The following AGAP3 variants were observed in gnomAD, a reference collection of about 807,000 sequenced individuals.
AGAP3 encodes ArfGAP with GTPase domain, ankyrin repeat and PH domain 3.
A neutral mutation model predicts 96.9 loss-of-function variants in AGAP3; 24 were observed. That is an observed-to-expected ratio of 0.25 (90% CI 0.18 to 0.35). The LOEUF is 0.35. Ranked by LOEUF, AGAP3 falls within the 10% of genes least tolerant of loss-of-function variation. The pLI is 1.00. For missense variants in AGAP3, 876 were observed against 1,254.2 expected, an observed-to-expected ratio of 0.70 and a Z score of 4.55; for synonymous variants, 563 against 536.1, an observed-to-expected ratio of 1.05 and a Z score of -0.69.
At chr7:151,136,052 G>T (rs1254877163) in intron 11 of AGAP3, among the ~76,000 whole-genome samples, 1 of 152,240 alleles carries the variant, frequency 6.6e-6, no homozygotes, top group Non-Finnish European at 1.5e-5. Flanking sequence ...CCGTGGGGTT[G>T]TACTGGCCTG....
At chr7:151,099,188 A>C (rs1312993993) in intron 1 of AGAP3, among the ~76,000 whole-genome samples, 2 of 151,336 alleles carry the variant, frequency 1.3e-5, no homozygotes, top group Non-Finnish European at 2.9e-5. Flanking sequence ...CTAAAAATAC[A>C]AAAAATTAGC....
At position 151,119,904 on chromosome 7, in the gene AGAP3, T is replaced by A. The variant is rs775450342; in HGVS notation, c.970-83T>A. 513 of 1,420,638 alleles carry A rather than the reference T, an allele frequency of 3.6e-4. 1 individual carries two copies. Among genetic ancestry groups the A allele is most frequent in the Non-Finnish European group, 3.9e-4 (401 of 1,034,668 alleles). 88.0% of individuals were successfully genotyped at this position (1,420,638 alleles called of 1,614,324 possible). A position where few individuals can be genotyped will look rare whatever the true frequency, so the allele number is the denominator to read the frequency against. On this transcript the variant is annotated intron_variant, in intron 7 of 17. Transcript: ENST00000397238. The stretch of plus-strand genomic sequence containing the variant: ...CCATGAGCCCCGGCCAGGCCCCCAT[T>A]AGCACAGGGATTCCCGGCACCCGCC...
At chr7:151,124,072 C>T (rs977132838) in intron 9 of AGAP3, among the ~76,000 whole-genome samples, 186 bp downstream of exon 9, 4 of 152,222 alleles carry the variant, frequency 2.6e-5, no homozygotes, top group African/African-American at 9.6e-5. Context: ...TCTGCGCCGC[C>T]ACCTTCAGGC....
chr7:151,124,826 G>T (rs1011854131), intron 9 of AGAP3, among the ~76,000 whole-genome samples: 13 of 152,200 alleles, frequency 8.5e-5, no homozygotes, highest in African/African-American at 1.2e-4. Context: ...AGAATGAAGA[G>T]TTCCAAGCAG....
In AGAP3 at chr7:151,087,084, C is replaced by G; in HGVS notation, c.331+12C>G. ...CATCTCCATCGAGGGTGAGCGGAGC[C>G]GGGGGCTGCGGGAGCCGGGGCGCAG... On this transcript the variant is annotated intron_variant, in intron 1 of 17. Coordinates refer to ENST00000397238, the MANE Select transcript of AGAP3 (RefSeq NM_031946.7). 1 of 1,580,842 alleles carries G rather than the reference C, an allele frequency of 6.3e-7. No individual in the cohort carries two copies. The highest frequency in any genetic ancestry group is 8.6e-7 in the Non-Finnish European group (1 of 1,163,462).
In AGAP3 at chr7:151,142,750, T is replaced by C. The variant is rs1584795322; in HGVS notation, c.2273+116T>C. The C allele has an allele frequency of 8.5e-7, 1 of 1,176,766 alleles. No individual in the cohort carries two copies. The highest frequency in any genetic ancestry group is 1.2e-6 in the Non-Finnish European group (1 of 845,124). The allele number at this position is 1,176,766 out of a possible 1,614,324, so 72.9% of individuals were successfully genotyped here. On this transcript the variant is annotated intron_variant, in intron 16 of 17. Coordinates refer to ENST00000397238, the MANE Select transcript of AGAP3 (RefSeq NM_031946.7). This position sits in a 1 kb window ranked among gnomAD's most constrained non-coding sequence, Gnocchi z 7.5. ...TAGAAGGGTTAAAACTGTCTGTTGC[T>C]CTGCTTGGCAGTTGGCCCCTTGGGG... is the stretch of plus-strand genomic sequence containing the variant.
chr7:151,122,562 TGTCCTTCTCCTCTTCCTC>T (rs905617864), intron 8 of AGAP3, among the ~76,000 whole-genome samples: 1 of 151,136 alleles, frequency 6.6e-6, no homozygotes, highest in Non-Finnish European at 1.5e-5. Flanking sequence ...TCCTCCTCCT[TGTCCTTCTCCTCTTCCTC>T]GTCCTTCTCC....
intron 1 of AGAP3, chr7:151,116,366 T>TA (rs2150463999): frequency 1.1e-5 from 2 of 177,502 alleles, no homozygotes; most frequent in South Asian, 3.1e-4. Flanking sequence ...GCGCTGTTCT[T>TA]ACTTGCAGGA....
chr7:151,120,891 C>A, intron 8 of AGAP3: 1 of 1,096,484 alleles, frequency 9.1e-7, no homozygotes, highest in Non-Finnish European at 1.1e-6. Context: ...CAATGTGCGA[C>A]ACACAGTGCC....
At chr7:151,109,834 A>G (rs1477637675) in intron 1 of AGAP3, among the ~76,000 whole-genome samples, 1 of 152,174 alleles carries the variant, frequency 6.6e-6, no homozygotes, top group Non-Finnish European at 1.5e-5. Flanking sequence ...GGTTTCAGTG[A>G]TCCCAGCGTC....
rs1800920554 is a variant in AGAP3, at chr7:151,143,873, C to T, written c.2666C>T (p.Thr889Ile). The change falls in exon 18 of 18, where the codon ACC becomes ATC. Residue 889 changes from threonine (T) to isoleucine (I), a missense_variant. Thr to Ile is a moderately conservative substitution (Grantham distance 89, BLOSUM62 -1). This residue lies in a region of AGAP3 where 213 missense variants were observed against 253.8 expected (regional missense o/e 0.84). Transcript: ENST00000397238. This position sits in a 1 kb window ranked among gnomAD's most constrained non-coding sequence, Gnocchi z 5.9. ...CPGEGCGLAP[T>I]PNREPANGTN... The stretch of plus-strand genomic sequence containing the variant: ...GGGGAGGGCTGTGGCTTAGCGCCTA[C>T]CCCCAACAGAGAGCCTGCCAATGGC... 1.2e-6 allele frequency: 2 copies of T among 1,613,976 alleles called. No homozygotes were observed. Among genetic ancestry groups the T allele is most frequent in the Non-Finnish European group, 1.7e-6 (2 of 1,180,010 alleles).
chr7:151,129,647 G>A (rs1800322954), intron 10 of AGAP3, among the ~76,000 whole-genome samples: 1 of 152,136 alleles, frequency 6.6e-6, no homozygotes, highest in Non-Finnish European at 1.5e-5. Context: ...ACTGGAGGAG[G>A]GAGCACCCAC....
chr7:151,132,370 C>T (rs1157500701), intron 10 of AGAP3, among the ~76,000 whole-genome samples: 1 of 152,224 alleles, frequency 6.6e-6, no homozygotes, highest in Non-Finnish European at 1.5e-5. Flanking sequence ...CATGTGTGCT[C>T]AGGCCAGGCA....
chr7:151,125,024 G>A (rs377136300), intron 9 of AGAP3, among the ~76,000 whole-genome samples: 1 of 152,220 alleles, frequency 6.6e-6, no homozygotes, highest in Non-Finnish European at 1.5e-5. Context: ...TTCCCTGTTC[G>A]TTCGCGGAGT....
chr7:151,141,574 C>T lies in AGAP3; in HGVS notation c.1805-324C>T. The T allele has an allele frequency of 2.8e-6, 1 of 360,938 alleles. No homozygotes were observed. Among genetic ancestry groups the T allele is most frequent in the Non-Finnish European group, 5.2e-6 (1 of 192,028 alleles). The allele number at this position is 360,938 out of a possible 1,614,324, so 22.4% of individuals were successfully genotyped here. A position where few individuals can be genotyped will look rare whatever the true frequency, so the allele number is the denominator to read the frequency against. On this transcript the variant is annotated intron_variant, in intron 13 of 17. Coordinates refer to ENST00000397238, the MANE Select transcript of AGAP3 (RefSeq NM_031946.7). This position sits in a 1 kb window ranked among gnomAD's most constrained non-coding sequence, Gnocchi z 4.2. ...GTCACATCCTTCTCCAGATACTCAG[C>T]TCTTTCTGTGGGATGCACCCCTCTC...
At chr7:151,106,402 G>A (rs1034887152) in intron 1 of AGAP3, among the ~76,000 whole-genome samples, 5 of 151,946 alleles carry the variant, frequency 3.3e-5, no homozygotes, top group East Asian at 1.9e-4. Flanking sequence ...GCACAACCTC[G>A]GCTCACTGCA....
intron 10 of AGAP3, among the ~76,000 whole-genome samples, 184 bp downstream of exon 10, chr7:151,128,868 C>G (rs1360769414): frequency 6.6e-6 from 1 of 152,236 alleles, no homozygotes; most frequent in Non-Finnish European, 1.5e-5. Context: ...ACCCGGCTGG[C>G]CCCTCCCTTG....
intron 1 of AGAP3, chr7:151,089,593 T>C (rs1798308005): frequency 6.6e-6 from 1 of 152,196 alleles, no homozygotes; most frequent in African/African-American, 2.4e-5. Flanking sequence ...GGAAGTGCAG[T>C]GGGCACTTGG....
intron 8 of AGAP3, among the ~76,000 whole-genome samples, chr7:151,121,720 C>T (rs1336806746): frequency 6.6e-6 from 1 of 152,202 alleles, no homozygotes; most frequent in Non-Finnish European, 1.5e-5. Context: ...TCTCCATCCT[C>T]ACAGCGGCGA....
Sources: gnomAD v4.1 joint callset for allele counts (sites outside exome capture counted in the v4.1 genomes callset) on GRCh38, gnomAD v4.1.1 for gene constraint, gnomAD v4.1.1 regional missense constraint, Gnocchi (gnomAD v3.1) non-coding constraint, MANE v1.5 for transcripts, NCBI Gene and HGNC (gene_info 2026-07-23, HGNC 2026-07-21) for gene names.